TYW1: variants seen among roughly 807,000 people sequenced by gnomAD.
TYW1 encodes the protein S-adenosyl-L-methionine-dependent tRNA 4-demethylwyosine synthase TYW1.
Under a neutral mutation model 96.2 loss-of-function variants are expected in TYW1, and 46 were observed. That is an observed-to-expected ratio of 0.48 (90% confidence interval 0.38 to 0.61). TYW1 has a LOEUF of 0.61. Among genes scored for constraint, TYW1 ranks in the 20% least tolerant of loss-of-function variants. The pLI is 0.00. For missense variants in TYW1, 684 were observed against 909.6 expected (o/e 0.75, Z 3.19); for synonymous variants, 274 against 323.0 (o/e 0.85, Z 1.63).
intron 13 of TYW1, among the ~76,000 whole-genome samples, chr7:67,119,189 T>C (rs2949148): frequency 0.28 from 41,784 of 151,550 alleles, 6,583 homozygotes; most frequent in African/African-American, 0.43. Context: ...TTCTTGACAT[T>C]TGACTGATAA....
In TYW1 at chr7:67,049,976, T is replaced by G; in HGVS notation, c.1012T>G (p.Ser338Ala). Residue 338 changes from serine (S) to alanine (A), a missense_variant, in exon 8 of 16, where the codon TCT (serine) becomes GCT (alanine). Ser to Ala is a moderately conservative substitution (Grantham distance 99). Transcript: ENST00000359626. ...AGAAAAGGAACAGCAGGAAGAGAAGTCTGGTTTGTTCAGGAACATGGGGAG... is the reference window on the plus strand; with the variant it reads ...AGAAAAGGAACAGCAGGAAGAGAAGGCTGGTTTGTTCAGGAACATGGGGAG... ...KREKEQQEEK[S>A]GLFRNMGRNE... 1 of 1,613,956 alleles carries G rather than the reference T, an allele frequency of 6.2e-7. No individual in the cohort carries two copies. Among genetic ancestry groups the G allele is most frequent in the African/African-American group, 1.3e-5 (1 of 74,984 alleles).
intron 13 of TYW1, among the ~76,000 whole-genome samples, chr7:67,181,047 C>T (rs890472204): frequency 2.0e-5 from 3 of 151,696 alleles, no homozygotes; most frequent in African/African-American, 4.8e-5. Flanking sequence ...ACTGAATTTA[C>T]CAAATGGTGT....
intron 7 of TYW1, among the ~76,000 whole-genome samples, chr7:67,029,418 T>TATACATATATATATATAC (rs1794593271): frequency 1.5e-5 from 2 of 131,396 alleles, no homozygotes; most frequent in African/African-American, 5.7e-5. Context: ...TGTGTGTGTA[T>TATACATATATATATATAC]ATATATATAT....
chr7:67,006,712 T>C (rs1487045425), intron 3 of TYW1, among the ~76,000 whole-genome samples: 1 of 152,190 alleles, frequency 6.6e-6, no homozygotes, highest in Non-Finnish European at 1.5e-5. Context: ...AGAGCTGGGA[T>C]TACAGGCATG....
intron 8 of TYW1, among the ~76,000 whole-genome samples, chr7:67,051,245 CAGT>C (rs2115561543): frequency 6.6e-6 from 1 of 152,306 alleles, no homozygotes. Flanking sequence ...AAGAACCTTA[CAGT>C]ACTATACTTC....
At chr7:67,066,523 G>C (rs1345902706) in intron 9 of TYW1, among the ~76,000 whole-genome samples, 1 of 152,088 alleles carries the variant, frequency 6.6e-6, no homozygotes, top group East Asian at 1.9e-4. Context: ...TTGTATACCT[G>C]CTGCTTGCTT....
At chr7:67,221,499 C>T (rs562785310) in intron 15 of TYW1, among the ~76,000 whole-genome samples, 15 of 152,204 alleles carry the variant, frequency 9.9e-5, no homozygotes, top group South Asian at 2.1e-4. Context: ...AAATAATGAC[C>T]GATATGGAGG....
chr7:67,033,800 A>G (rs757054416), intron 7 of TYW1, among the ~76,000 whole-genome samples: 3 of 151,886 alleles, frequency 2.0e-5, no homozygotes, highest in Admixed American at 6.6e-5. Flanking sequence ...GATTCAAGCA[A>G]TTCTCTGCCT....
chr7:67,106,521 G>A (rs1797250230), intron 12 of TYW1, among the ~76,000 whole-genome samples: 1 of 152,088 alleles, frequency 6.6e-6, no homozygotes, highest in Admixed American at 6.5e-5. Flanking sequence ...GGAAGTTGTT[G>A]AGGAGGATGT....
chr7:67,140,242 G>A (rs1798404753), intron 13 of TYW1, among the ~76,000 whole-genome samples: 1 of 152,128 alleles, frequency 6.6e-6, no homozygotes, highest in Non-Finnish European at 1.5e-5. Flanking sequence ...ATGAGATTTG[G>A]GTGGGGACCC....
intron 13 of TYW1, among the ~76,000 whole-genome samples, chr7:67,156,432 G>T (rs1399544576): frequency 1.3e-5 from 2 of 152,278 alleles, no homozygotes; most frequent in African/African-American, 2.4e-5. Context: ...GCACCTGAAG[G>T]TGTGTGCAGG....
chr7:67,007,239 C>A (rs1233307508), intron 3 of TYW1, among the ~76,000 whole-genome samples: 1 of 152,144 alleles, frequency 6.6e-6, no homozygotes, highest in East Asian at 1.9e-4. Flanking sequence ...GGAAGCCTCC[C>A]AAGGATACCT....
chr7:67,197,469 G>A (rs768647120), intron 15 of TYW1, among the ~76,000 whole-genome samples: 3 of 152,158 alleles, frequency 2.0e-5, no homozygotes, highest in Non-Finnish European at 4.4e-5. Flanking sequence ...GGGACTACAG[G>A]CGTGAGCCAC....
chr7:67,064,211 G>A (rs754045910), intron 9 of TYW1, among the ~76,000 whole-genome samples: 2 of 152,166 alleles, frequency 1.3e-5, no homozygotes, highest in Non-Finnish European at 2.9e-5. Flanking sequence ...TTCAAGACTT[G>A]AAAGACACAG....
chr7:67,118,532 T>C (rs1797666173), intron 13 of TYW1, among the ~76,000 whole-genome samples: 1 of 151,824 alleles, frequency 6.6e-6, no homozygotes, highest in Non-Finnish European at 1.5e-5. Context: ...TTTTCATCCA[T>C]GGTTGGTTGA....
intron 7 of TYW1, among the ~76,000 whole-genome samples, chr7:67,035,860 G>A (rs1001419833): frequency 1.3e-5 from 2 of 151,676 alleles, no homozygotes; most frequent in East Asian, 1.9e-4. Context: ...TGTGTTTTTA[G>A]TAGAGACGAG....
At chr7:67,153,075 A>G (rs2116176860) in intron 13 of TYW1, among the ~76,000 whole-genome samples, 1 of 152,312 alleles carries the variant, frequency 6.6e-6, no homozygotes, top group South Asian at 2.1e-4. Flanking sequence ...CCCAGCCTTC[A>G]CAGTTGCTAG....
intron 11 of TYW1, among the ~76,000 whole-genome samples, chr7:67,091,620 C>T (rs1387564136): frequency 6.6e-6 from 1 of 152,126 alleles, no homozygotes; most frequent in Non-Finnish European, 1.5e-5. Context: ...TCCTTGAGGA[C>T]AGTGCAAGAA....
At chr7:67,120,994 T>C (rs1363167261) in intron 13 of TYW1, among the ~76,000 whole-genome samples, 1 of 152,244 alleles carries the variant, frequency 6.6e-6, no homozygotes, top group Non-Finnish European at 1.5e-5. Flanking sequence ...TTTCTGAGCA[T>C]TTTGTAGCAA....
Sources: allele counts gnomAD v4.1 joint callset (sites outside exome capture counted in the v4.1 genomes callset), GRCh38; gene constraint gnomAD v4.1.1; transcripts MANE v1.5; gene names NCBI Gene and HGNC (gene_info 2026-07-23, HGNC 2026-07-21).